The following MMP16 variants were observed in gnomAD, a reference collection of about 807,000 sequenced individuals.
The protein encoded by MMP16 is matrix metallopeptidase 16.
MMP16 carries 12 observed loss-of-function variants against 67.8 expected under a neutral mutation model. That is an observed-to-expected ratio of 0.18 (90% CI 0.11 to 0.29). MMP16 has a LOEUF of 0.29. Among genes scored for constraint, MMP16 ranks in the 10% least tolerant of loss-of-function variants. The pLI is 1.00. For synonymous variants in MMP16, 249 were observed against 255.9 expected (o/e 0.97, Z 0.26); for missense variants, 475 against 765.7 (o/e 0.62, Z 4.48).
At chr8:88,215,681 C>T (rs1586209096) in intron 1 of MMP16, among the ~76,000 whole-genome samples, 1 of 152,168 alleles carries the variant, frequency 6.6e-6, no homozygotes, top group East Asian at 1.9e-4. Context: ...CCCTCCTACT[C>T]CTAAGAATAG....
intron 1 of MMP16, among the ~76,000 whole-genome samples, chr8:88,292,772 A>T (rs11986810): frequency 0.33 from 50,567 of 152,048 alleles, 9,676 homozygotes; most frequent in African/African-American, 0.53. Context: ...ACAGAAACAC[A>T]TGGCTGAAAG....
chr8:88,296,196 T>A (rs904055592), intron 1 of MMP16, among the ~76,000 whole-genome samples: 1 of 152,200 alleles, frequency 6.6e-6, no homozygotes, highest in Non-Finnish European at 1.5e-5. Context: ...TATGCTGGGA[T>A]GTAAAGATGG....
rs140749252 is a variant in MMP16 at position 88,203,135 on chromosome 8, C to T, written c.133-5829G>A. Reference sequence around the variant, plus strand: ...TTTTTTTTTTTTTGAGACAGAGTCTCGCTCTGTCACTAGGCTGGAGTGCAG... The same window carrying T: ...TTTTTTTTTTTTTGAGACAGAGTCTTGCTCTGTCACTAGGCTGGAGTGCAG... On this transcript the variant is annotated intron_variant, in intron 1 of 9. Transcript: ENST00000286614. Among the ~76,000 whole-genome samples the T allele has an allele frequency of 2.0e-3, 269 of 136,090 alleles. 2 individuals carry two copies. Among genetic ancestry groups the T allele is most frequent in the African/African-American group, 7.0e-3 (251 of 35,812 alleles). 89.3% of individuals were successfully genotyped at this position (136,090 alleles called of 152,430 possible).
intron 7 of MMP16, among the ~76,000 whole-genome samples, chr8:88,068,370 TAA>T (rs1387967646): frequency 6.6e-6 from 1 of 152,160 alleles, no homozygotes; most frequent in African/African-American, 2.4e-5. Flanking sequence ...TTTATTCACT[TAA>T]AAGTGTCTTT....
Position 88,238,732 on chromosome 8 carries a change from G to A in MMP16, c.133-41426C>T, listed in dbSNP as rs373426258. On this transcript the variant is annotated intron_variant, in intron 1 of 9. Transcript: ENST00000286614. Reference sequence around the variant, plus strand: ...CCTATCCTTCTGCCTTTTTTATACTGCATATGTGTATTATTTCTGTAATAA... The same window carrying A: ...CCTATCCTTCTGCCTTTTTTATACTACATATGTGTATTATTTCTGTAATAA... Among the ~76,000 whole-genome samples, 5 of 148,856 alleles carry A rather than the reference G, an allele frequency of 3.4e-5. No homozygotes were observed. In the East Asian group the frequency reaches 6.0e-4, roughly 18 times the overall value.
At chr8:88,156,897 C>A (rs554229784) in intron 4 of MMP16, among the ~76,000 whole-genome samples, 50 of 152,018 alleles carry the variant, frequency 3.3e-4, no homozygotes, top group African/African-American at 1.2e-3. Flanking sequence ...GATAATAGGG[C>A]AAAATATGTA....
intron 2 of MMP16, among the ~76,000 whole-genome samples, chr8:88,191,155 A>G (rs540702659): frequency 1.3e-5 from 2 of 152,290 alleles, no homozygotes; most frequent in East Asian, 1.9e-4. Context: ...AAGAAAAAAA[A>G]TCTAAATCAG....
chr8:88,048,224 T>C (rs1808223274), intron 8 of MMP16, among the ~76,000 whole-genome samples: 1 of 152,134 alleles, frequency 6.6e-6, no homozygotes, highest in Admixed American at 6.6e-5. Flanking sequence ...TGGTCTTGAT[T>C]GGAGTACTCA....
At chr8:88,112,666 G>GGTGTGTGTGGGTGT (rs1554578645) in intron 6 of MMP16, among the ~76,000 whole-genome samples, 1 of 146,790 alleles carries the variant, frequency 6.8e-6, no homozygotes, top group Non-Finnish European at 1.5e-5. Flanking sequence ...AGGACAGAAG[G>GGTGTGTGTGGGTGT]GTGTGTGTGT....
At chr8:88,118,524 C>T (rs1290785016) in intron 5 of MMP16, among the ~76,000 whole-genome samples, 176 bp downstream of exon 5, 3 of 151,988 alleles carry the variant, frequency 2.0e-5, no homozygotes, top group Non-Finnish European at 2.9e-5. Flanking sequence ...ATTAAGATAC[C>T]TGGGACCTTT....
intron 1 of MMP16, among the ~76,000 whole-genome samples, chr8:88,219,804 C>T (rs530589134): frequency 9.9e-5 from 15 of 152,142 alleles, no homozygotes; most frequent in African/African-American, 3.1e-4. Context: ...TCCTTAATGC[C>T]ATTTTCGTGT....
At chr8:88,258,395 TGAGTCGGCTGTAAG>T (rs1810338010) in intron 1 of MMP16, among the ~76,000 whole-genome samples, 1 of 152,200 alleles carries the variant, frequency 6.6e-6, no homozygotes, top group African/African-American at 2.4e-5. Context: ...GAGTTTCCAG[TGAGTCGGCTGTAAG>T]GCATACTAAT....
At chr8:88,132,363 T>C (rs1437411996) in intron 4 of MMP16, among the ~76,000 whole-genome samples, 1 of 151,878 alleles carries the variant, frequency 6.6e-6, no homozygotes, top group Non-Finnish European at 1.5e-5. Context: ...AAGTCAGTGA[T>C]AGTCTTACAA....
intron 4 of MMP16, among the ~76,000 whole-genome samples, chr8:88,158,392 T>G (rs1432383879): frequency 6.6e-6 from 1 of 152,202 alleles, no homozygotes; most frequent in Non-Finnish European, 1.5e-5. Context: ...TATCTCGTGG[T>G]TTTGATTTGC....
chr8:88,201,570 T>A (rs906634483), intron 1 of MMP16, among the ~76,000 whole-genome samples: 1 of 152,136 alleles, frequency 6.6e-6, no homozygotes, highest in Admixed American at 6.5e-5. Flanking sequence ...AATTACTGAC[T>A]TCACCTCAAA....
chr8:88,118,352 AT>A (rs1809473924), intron 5 of MMP16, among the ~76,000 whole-genome samples: 1 of 150,696 alleles, frequency 6.6e-6, no homozygotes, highest in African/African-American at 2.4e-5. Flanking sequence ...AAAGTCTTAT[AT>A]TTTTCCTTGT....
At chr8:88,300,521 G>A (rs964230565) in intron 1 of MMP16, among the ~76,000 whole-genome samples, 2 of 152,100 alleles carry the variant, frequency 1.3e-5, no homozygotes, top group Non-Finnish European at 2.9e-5. Flanking sequence ...CAGATCACCC[G>A]TTGTGAGATA....
rs1290476462 is a variant in MMP16, at chr8:88,324,558, GAAAA to G, written c.132+2513_132+2516del. ...ACTATAAAAACTTTCTGTGCTTACT[GAAAA>G]AAAATTTTATGATCATATGAGCTTC... is the stretch of plus-strand genomic sequence containing the variant. On this transcript the variant is annotated intron_variant, in intron 1 of 9. Coordinates refer to ENST00000286614, the MANE Select transcript of MMP16 (RefSeq NM_005941.5). Among the ~76,000 whole-genome samples, 12 of 152,076 alleles carry G rather than the reference GAAAA, an allele frequency of 7.9e-5. No individual in the cohort carries two copies. In the East Asian group the frequency reaches 1.7e-3, roughly 22 times the overall value.
rs1165453313 is a variant in MMP16, at chr8:88,038,359, A to T, written c.*3102T>A. 1 of 152,398 alleles carries T rather than the reference A, an allele frequency of 6.6e-6. No individual in the cohort carries two copies. 9.4% of individuals were successfully genotyped at this position (152,398 alleles called of 1,614,324 possible). A position where few individuals can be genotyped will look rare whatever the true frequency, so the allele number is the denominator to read the frequency against. Reference sequence around the variant, plus strand: ...ATATGACCCAACCCTTATTCATGACATTTGCCAGAATTCAAGCATAATGAT... The same window carrying T: ...ATATGACCCAACCCTTATTCATGACTTTTGCCAGAATTCAAGCATAATGAT... On this transcript the variant is annotated 3_prime_UTR_variant, in exon 10 of 10. Transcript: ENST00000286614. This position sits in a 1 kb window ranked among gnomAD's most constrained non-coding sequence, Gnocchi z 4.1.
Sources: gnomAD v4.1 joint callset for allele counts (sites outside exome capture counted in the v4.1 genomes callset) on GRCh38, gnomAD v4.1.1 for gene constraint, Gnocchi (gnomAD v3.1) non-coding constraint, MANE v1.5 for transcripts, NCBI Gene and HGNC (gene_info 2026-07-23, HGNC 2026-07-21) for gene names.